VPS13B: variants seen among roughly 807,000 people sequenced by gnomAD.
The protein encoded by VPS13B is intermembrane lipid transfer protein VPS13B.
VPS13B carries 285 observed loss-of-function variants against 426.4 expected under a neutral mutation model. The ratio of observed to expected loss-of-function variants is 0.67; its 90% CI spans 0.61 to 0.74. The LOEUF is 0.74. Among genes scored for constraint, VPS13B ranks in the 30% least tolerant of loss-of-function variants. The probability of loss-of-function intolerance (pLI) is 0.00; values close to 1 mark genes in which losing one functional copy is unlikely to be tolerated. For synonymous variants in VPS13B, 1,676 were observed against 1,676.4 expected, an observed-to-expected ratio of 1.00 and a Z score of 0.01; for missense variants, 4,537 against 4,782.6, an observed-to-expected ratio of 0.95 and a Z score of 1.51.
At chr8:99,526,231 G>A (rs892050445) in intron 30 of VPS13B, among the ~76,000 whole-genome samples, 1 of 152,124 alleles carries the variant, frequency 6.6e-6, no homozygotes, top group African/African-American at 2.4e-5. Context: ...AACCCTAAAA[G>A]AATCATGTTA....
intron 31 of VPS13B, among the ~76,000 whole-genome samples, chr8:99,573,836 G>A (rs1825617870): frequency 1.3e-5 from 2 of 152,270 alleles, no homozygotes; most frequent in Admixed American, 1.3e-4. Context: ...ATTCTGTGAA[G>A]AAAGTCATTG....
chr8:99,437,811 A>G (rs911886721), intron 22 of VPS13B, among the ~76,000 whole-genome samples: 1 of 152,172 alleles, frequency 6.6e-6, no homozygotes, highest in Non-Finnish European at 1.5e-5. Context: ...CAAGTTTTCT[A>G]TACCTGCTCA....
At chr8:99,848,925 T>C (rs1335338447) in intron 55 of VPS13B, 31 bp downstream of exon 55, 5 of 1,565,780 alleles carry the variant, frequency 3.2e-6, no homozygotes, top group Middle Eastern at 1.7e-4. Flanking sequence ...AGTGACAACA[T>C]AGTAAGTGTT....
intron 2 of VPS13B, among the ~76,000 whole-genome samples, chr8:99,028,222 G>T (rs1350563167): frequency 2.0e-5 from 3 of 151,726 alleles, no homozygotes; most frequent in South Asian, 2.1e-4. Flanking sequence ...CCAATGAGCC[G>T]CTGGGCACAC....
At chr8:99,600,235 G>T (rs1423050302) in intron 33 of VPS13B, among the ~76,000 whole-genome samples, 1 of 152,064 alleles carries the variant, frequency 6.6e-6, no homozygotes, top group Non-Finnish European at 1.5e-5. Flanking sequence ...CTCTGAATTT[G>T]GGGTTACTTT....
At chr8:99,591,164 C>CTTTTTTTTTTTT in intron 33 of VPS13B, among the ~76,000 whole-genome samples, 1 of 96,536 alleles carries the variant, frequency 1.0e-5, no homozygotes, top group Admixed American at 1.3e-4. Context: ...GCAACCGCTC[C>CTTTTTTTTTTTT]TTTTTTTTTT....
chr8:99,611,952 T>C (rs1042023356), intron 33 of VPS13B, among the ~76,000 whole-genome samples: 4 of 152,132 alleles, frequency 2.6e-5, no homozygotes, highest in African/African-American at 9.6e-5. Context: ...ATTAGCTAAG[T>C]ATGGTAAATA....
chr8:99,174,885 T>C (rs1296549624), intron 16 of VPS13B, among the ~76,000 whole-genome samples: 3 of 152,230 alleles, frequency 2.0e-5, no homozygotes, highest in Admixed American at 2.0e-4. Flanking sequence ...CTTTTTGCTG[T>C]ACTGAGCCTT....
chr8:99,149,518 A>G (rs1329407140), intron 14 of VPS13B, among the ~76,000 whole-genome samples: 1 of 151,644 alleles, frequency 6.6e-6, no homozygotes, highest in Non-Finnish European at 1.5e-5. Context: ...GGATTTCACC[A>G]TATTGGTCAG....
rs1428137006 is a variant in VPS13B, at chr8:99,013,890, C to T, written c.102C>T (p.Asp34=). The change falls in exon 2 of 62, where the codon GAC becomes GAT. Residue 34 remains aspartate (D), a synonymous_variant. Transcript: ENST00000357162. The part of the protein sequence containing the change: ...SDLQLSLWGG[D]VVLSKLELKL... ...TACAGCTTTCACTATGGGGTGGAGA[C>T]GTGGTACTCAGCAAGCTCGAGTTAA... 1.2e-6 allele frequency: 2 copies of T among 1,614,080 alleles called. No homozygotes were observed. Among genetic ancestry groups the T allele is most frequent in the East Asian group, 4.5e-5 (2 of 44,862 alleles).
intron 25 of VPS13B, among the ~76,000 whole-genome samples, chr8:99,495,933 G>A (rs1259815431): frequency 6.6e-6 from 1 of 152,190 alleles, no homozygotes; most frequent in Non-Finnish European, 1.5e-5. Flanking sequence ...GCCCTGTGGT[G>A]ATTTGGAGGA....
intron 35 of VPS13B, among the ~76,000 whole-genome samples, chr8:99,684,301 G>T (rs1831282167): frequency 1.3e-5 from 2 of 152,152 alleles, no homozygotes; most frequent in Admixed American, 6.5e-5. Context: ...TATCGGTAAT[G>T]ATGGTCTCAT....
intron 3 of VPS13B, among the ~76,000 whole-genome samples, chr8:99,063,227 G>T (rs2132305654): frequency 6.6e-6 from 1 of 152,336 alleles, no homozygotes; most frequent in East Asian, 1.9e-4. Context: ...GTTGGACAGT[G>T]GGTGCAGCCC....
intron 34 of VPS13B, among the ~76,000 whole-genome samples, chr8:99,655,529 G>T (rs76185899): frequency 6.6e-6 from 1 of 152,082 alleles, no homozygotes; most frequent in Non-Finnish European, 1.5e-5. Context: ...AGGGAGTCCC[G>T]AGGAGGTGGG....
chr8:99,344,740 CT>C (rs1412740739), intron 19 of VPS13B, among the ~76,000 whole-genome samples: 1 of 144,632 alleles, frequency 6.9e-6, no homozygotes, highest in Non-Finnish European at 1.5e-5. Flanking sequence ...TAGTTTTTTT[CT>C]TCTCATTGGT....
At chr8:99,531,676 T>C (rs746656782) in intron 30 of VPS13B, among the ~76,000 whole-genome samples, 1 of 152,118 alleles carries the variant, frequency 6.6e-6, no homozygotes, top group Non-Finnish European at 1.5e-5. Context: ...AGCAAAATTA[T>C]AGCAAAGTTG....
intron 36 of VPS13B, among the ~76,000 whole-genome samples, chr8:99,714,589 AC>A (rs1302056151): frequency 6.6e-6 from 1 of 152,218 alleles, no homozygotes. Context: ...GACAGACACC[AC>A]TTTAGCCATA....
intron 39 of VPS13B, among the ~76,000 whole-genome samples, chr8:99,735,149 A>G (rs1410183300): frequency 6.6e-6 from 1 of 152,206 alleles, no homozygotes; most frequent in Non-Finnish European, 1.5e-5. Context: ...GCAAAATAGA[A>G]GTCACACTCA....
At chr8:99,592,218 A>G (rs919369422) in intron 33 of VPS13B, among the ~76,000 whole-genome samples, 3 of 152,008 alleles carry the variant, frequency 2.0e-5, no homozygotes, top group Non-Finnish European at 4.4e-5. Context: ...CATTCATCTA[A>G]TCTTTTTTCA....
Sources: gnomAD v4.1 joint callset for allele counts (sites outside exome capture counted in the v4.1 genomes callset) on GRCh38, gnomAD v4.1.1 for gene constraint, MANE v1.5 for transcripts, NCBI Gene and HGNC (gene_info 2026-07-23, HGNC 2026-07-21) for gene names.